Variants in PHF2 observed in about 807,000 individuals in gnomAD.
PHF2 encodes the protein PHD finger protein 2.
A neutral mutation model predicts 120.5 loss-of-function variants in PHF2; 27 were observed. That is an observed-to-expected ratio of 0.22 (90% CI 0.17 to 0.31). The LOEUF is 0.31. Among genes scored for constraint, PHF2 ranks in the 10% least tolerant of loss-of-function variants. The probability of loss-of-function intolerance (pLI) is 1.00; values close to 1 mark genes in which losing one functional copy is unlikely to be tolerated. For synonymous variants in PHF2, 568 were observed against 592.5 expected (o/e 0.96, Z 0.60); for missense variants, 1,024 against 1,434.8 (o/e 0.71, Z 4.63).
At chr9:93,643,123 T>C (rs931889875) in intron 3 of PHF2, among the ~76,000 whole-genome samples, 3 of 152,186 alleles carry the variant, frequency 2.0e-5, no homozygotes, top group African/African-American at 4.8e-5. Context: ...CCTCCTTCTG[T>C]GGGGCATGGT....
intron 17 of PHF2, among the ~76,000 whole-genome samples, chr9:93,669,301 C>CTG (rs1826739365): frequency 1.3e-5 from 2 of 152,236 alleles, no homozygotes; most frequent in Non-Finnish European, 2.9e-5. Flanking sequence ...GCAGGGCAAG[C>CTG]TGCGTGCTCT....
intron 17 of PHF2, among the ~76,000 whole-genome samples, chr9:93,673,163 T>G (rs1420310440): frequency 1.3e-5 from 2 of 151,778 alleles, no homozygotes; most frequent in Admixed American, 6.6e-5. Flanking sequence ...AGTTCTGTAG[T>G]TGGGAGAGAG....
At chr9:93,661,715 A>G (rs1379324302) in intron 12 of PHF2, among the ~76,000 whole-genome samples, 1 of 151,230 alleles carries the variant, frequency 6.6e-6, no homozygotes, top group Non-Finnish European at 1.5e-5. Flanking sequence ...GGATGGAATA[A>G]TGAAGGGATG....
chr9:93,619,181 C>CAG (rs1287077018), intron 1 of PHF2, among the ~76,000 whole-genome samples: 1 of 152,152 alleles, frequency 6.6e-6, no homozygotes, highest in Non-Finnish European at 1.5e-5. Flanking sequence ...CCTTGCCCTA[C>CAG]CCTTTCCCTC....
chr9:93,619,513 A>G (rs73518060), intron 1 of PHF2, among the ~76,000 whole-genome samples: 19,567 of 152,248 alleles, frequency 0.13, 1,306 homozygotes, highest in East Asian at 0.2. Flanking sequence ...GGCCTTCACC[A>G]GGCTGGTGCT....
At chr9:93,662,617 G>T (rs1315711974) in intron 12 of PHF2, among the ~76,000 whole-genome samples, 1 of 151,892 alleles carries the variant, frequency 6.6e-6, no homozygotes, top group African/African-American at 2.4e-5. Context: ...ACGAATGGGT[G>T]AGTGGATGGA....
intron 1 of PHF2, among the ~76,000 whole-genome samples, chr9:93,586,821 G>A (rs1016214342): frequency 3.9e-5 from 6 of 152,218 alleles, no homozygotes; most frequent in Non-Finnish European, 8.8e-5. Flanking sequence ...AAGACTGCAC[G>A]GCCCCTGAAG....
Position 93,667,151 on chromosome 9 carries a change from CAAG to C in PHF2, c.2263_2265del (p.Lys755del). 6.2e-7 allele frequency: 1 copy of C among 1,613,310 alleles called. No homozygotes were observed. The highest frequency in any genetic ancestry group is 8.5e-7 in the Non-Finnish European group (1 of 1,179,990). On this transcript the variant is annotated inframe_deletion, in exon 17 of 22. Coordinates refer to ENST00000359246, the MANE Select transcript of PHF2 (RefSeq NM_005392.4). ...CCAAGCCCGGCCGCAATGCCAGAGT[CAAG>C]AAGGAGAGTGGGAGCTCGGCAGCTG...
intron 1 of PHF2, among the ~76,000 whole-genome samples, chr9:93,588,880 G>T (rs942151824): frequency 2.0e-5 from 3 of 152,202 alleles, no homozygotes; most frequent in African/African-American, 7.2e-5. Context: ...AACAGAGTGA[G>T]ACTCTGTCTC....
At chr9:93,655,274 T>TG (rs1279555232) in intron 7 of PHF2, among the ~76,000 whole-genome samples, 2 of 107,476 alleles carry the variant, frequency 1.9e-5, no homozygotes, top group East Asian at 3.0e-4. Flanking sequence ...TTTATAGGGT[T>TG]GGTTTTTTTT....
Position 93,673,611 on chromosome 9 carries a change from A to C in PHF2, c.2375A>C (p.Gln792Pro). The C allele has an allele frequency of 6.3e-7, 1 of 1,587,736 alleles. No individual in the cohort carries two copies. Among genetic ancestry groups the C allele is most frequent in the Non-Finnish European group, 8.6e-7 (1 of 1,163,160 alleles). The change falls in exon 18 of 22, where the codon CAG becomes CCG. Residue 792 changes from glutamine to proline, a missense_variant. Physicochemically the swap from Gln to Pro is moderately conservative, Grantham distance 76. Around this residue, in one of 2 missense-constraint regions of PHF2, gnomAD observed 677 missense variants for 857.4 expected, o/e 0.79. Transcript: ENST00000359246. Reference sequence around the variant, plus strand: ...CAGCCCCCGGCCTCCCCCAGCACACAGGAAGCCATTCAGGGAATGCTGTCC... The same window carrying C: ...CAGCCCCCGGCCTCCCCCAGCACACCGGAAGCCATTCAGGGAATGCTGTCC... Reference protein sequence around the residue: ...SSQPPASPSTQEAIQGMLSMA... With the variant: ...SSQPPASPSTPEAIQGMLSMA...
At chr9:93,619,058 G>A (rs891015761) in intron 1 of PHF2, among the ~76,000 whole-genome samples, 4 of 151,772 alleles carry the variant, frequency 2.6e-5, no homozygotes, top group African/African-American at 9.7e-5. Context: ...TACACTGGGG[G>A]TCTGCAGACC....
intron 4 of PHF2, among the ~76,000 whole-genome samples, chr9:93,646,835 C>T (rs768106290): frequency 1.3e-5 from 2 of 152,080 alleles, no homozygotes; most frequent in Non-Finnish European, 1.5e-5. Flanking sequence ...TCAGACATCT[C>T]GGAAGAGGGG....
At chr9:93,623,548 A>G (rs1392214865) in intron 1 of PHF2, among the ~76,000 whole-genome samples, 5 of 152,210 alleles carry the variant, frequency 3.3e-5, no homozygotes, top group African/African-American at 1.2e-4. Flanking sequence ...ATGAAGGAAG[A>G]ATATTAACAC....
At chr9:93,620,221 C>T (rs1825803340) in intron 1 of PHF2, among the ~76,000 whole-genome samples, 1 of 152,136 alleles carries the variant, frequency 6.6e-6, no homozygotes. Context: ...AGGGAGAGGC[C>T]CACCTTCTGT....
intron 5 of PHF2, 41 bp downstream of exon 5, chr9:93,649,253 G>A (rs1826315941): frequency 3.3e-6 from 5 of 1,520,984 alleles, no homozygotes; most frequent in Admixed American, 2.0e-5. Flanking sequence ...CTGGGGTTGG[G>A]GCAGGGGCGC....
At chr9:93,594,429 G>T (rs966247752) in intron 1 of PHF2, among the ~76,000 whole-genome samples, 3 of 152,180 alleles carry the variant, frequency 2.0e-5, no homozygotes, top group Non-Finnish European at 4.4e-5. Context: ...CTGACTCTTG[G>T]GTCAGGGATG....
intron 3 of PHF2, among the ~76,000 whole-genome samples, chr9:93,642,835 A>G (rs1826192157): frequency 6.6e-6 from 1 of 152,026 alleles, no homozygotes; most frequent in South Asian, 2.1e-4. Flanking sequence ...CAAATTTACT[A>G]TTTTTTCAGC....
In PHF2 at chr9:93,660,187, C is replaced by A; in HGVS notation, c.1330-5C>A. 6.5e-7 allele frequency: 1 copy of A among 1,542,752 alleles called. No homozygotes were observed. The highest frequency in any genetic ancestry group is 1.3e-5 in the South Asian group (1 of 77,818). ...GCATGTGACCCTCTCCTTTCTGTAT[C>A]CCAGAATGCCTCCAAAGCCGTCCGA... is the stretch of plus-strand genomic sequence containing the variant. On this transcript the variant is annotated splice_polypyrimidine_tract_variant and splice_region_variant and intron_variant, in intron 11 of 21. Coordinates refer to ENST00000359246, the MANE Select transcript of PHF2 (RefSeq NM_005392.4).
Sources: allele counts gnomAD v4.1 joint callset (sites outside exome capture counted in the v4.1 genomes callset), GRCh38; gene constraint gnomAD v4.1.1; regional missense constraint gnomAD v4.1.1; transcripts MANE v1.5; gene names NCBI Gene and HGNC (gene_info 2026-07-23, HGNC 2026-07-21).